The following RCC1L variants were observed in gnomAD, a reference collection of about 807,000 sequenced individuals.
RCC1L encodes the protein RCC1 like.
RCC1L carries 46 observed loss-of-function variants against 58.6 expected under a neutral mutation model. That is an observed-to-expected ratio of 0.79 (90% CI 0.62 to 1.00). The LOEUF (loss-of-function observed/expected upper bound fraction) is 1.00. Ranked by LOEUF, RCC1L falls within the 50% of genes least tolerant of loss-of-function variation. The probability of loss-of-function intolerance (pLI) is 0.00; values close to 1 mark genes in which losing one functional copy is unlikely to be tolerated. For missense variants in RCC1L, 636 were observed against 623.6 expected, an observed-to-expected ratio of 1.02 and a Z score of -0.21; for synonymous variants, 281 against 262.9, an observed-to-expected ratio of 1.07 and a Z score of -0.67.
At chr7:75,055,827 G>C (rs782177480) in intron 9 of RCC1L, 74 bp downstream of exon 9, 3 of 1,568,548 alleles carry the variant, frequency 1.9e-6, no homozygotes, top group Non-Finnish European at 2.6e-6. Context: ...AGAGCTGCCC[G>C]CAGTTTGGGG....
At chr7:75,036,664 T>A (rs1805436345) in intron 10 of RCC1L, among the ~76,000 whole-genome samples, 1 of 151,864 alleles carries the variant, frequency 6.6e-6, no homozygotes, top group African/African-American at 2.4e-5. Flanking sequence ...GAGGCCGAGG[T>A]GGGCGGATTA....
At chr7:75,070,427 C>T (rs1806679120) in intron 2 of RCC1L, among the ~76,000 whole-genome samples, 1 of 151,998 alleles carries the variant, frequency 6.6e-6, no homozygotes, top group Non-Finnish European at 1.5e-5. Flanking sequence ...AAAAATTAGG[C>T]AGGCATGGTG....
At chr7:75,027,910 C>T in exon 11 of RCC1L, 1 of 1,108,738 alleles carries the variant, frequency 9.0e-7, no homozygotes, top group Non-Finnish European at 1.3e-6. Flanking sequence ...TCCTGGTCTG[C>T]TGGGTGGGAG....
intron 1 of RCC1L, among the ~76,000 whole-genome samples, chr7:75,072,149 C>CATATATATATAT (rs1373236031): frequency 3.6e-4 from 13 of 35,894 alleles, no homozygotes; most frequent in Non-Finnish European, 6.0e-4. Flanking sequence ...TATACATATA[C>CATATATATATAT]ATATACATAT....
chr7:75,046,514 G>A (rs1805726091), intron 10 of RCC1L, among the ~76,000 whole-genome samples: 1 of 152,230 alleles, frequency 6.6e-6, no homozygotes, highest in East Asian at 1.9e-4. Flanking sequence ...GGCAGCAAGG[G>A]CCCGGCTCCT....
chr7:75,054,443 A>G (rs1003853540), intron 9 of RCC1L, among the ~76,000 whole-genome samples: 6 of 152,338 alleles, frequency 3.9e-5, no homozygotes, highest in East Asian at 3.9e-4. Context: ...AAATGGCTAC[A>G]TGGCATGAGG....
At chr7:75,064,852 T>C in intron 3 of RCC1L, 1 of 625,298 alleles carries the variant, frequency 1.6e-6, no homozygotes, top group East Asian at 2.9e-5. Context: ...CTTCCCCTCC[T>C]GGCCCTAGAT....
intron 10 of RCC1L, among the ~76,000 whole-genome samples, chr7:75,046,365 A>G (rs1287759858): frequency 6.6e-6 from 1 of 152,208 alleles, no homozygotes; most frequent in Non-Finnish European, 1.5e-5. Flanking sequence ...GCCATTAGGG[A>G]GCACTTTATT....
In RCC1L at chr7:75,042,825, C is replaced by T. The variant is rs907908168; in HGVS notation, c.*207G>A. ...AAAGGCTGCCATCCAAGCTGAGTTC[C>T]GCAGGCCTCACCTGCAGCTGGAGAG... On this transcript the variant is annotated 3_prime_UTR_variant, in exon 11 of 11. Coordinates refer to ENST00000610322, the MANE Select transcript of RCC1L (RefSeq NM_030798.5). 1.2e-4 allele frequency: 169 copies of T among 1,443,648 alleles called. No individual in the cohort carries two copies. The highest frequency in any genetic ancestry group is 4.0e-4 in the Admixed American group (14 of 35,302). The allele number at this position is 1,443,648 out of a possible 1,614,324, so 89.4% of individuals were successfully genotyped here.
intron 9 of RCC1L, among the ~76,000 whole-genome samples, chr7:75,054,386 A>T (rs1039642473): frequency 6.6e-6 from 1 of 152,202 alleles, no homozygotes; most frequent in Non-Finnish European, 1.5e-5. Flanking sequence ...AGGCCTGTTA[A>T]GTCTCGGGGA....
intron 4 of RCC1L, among the ~76,000 whole-genome samples, chr7:75,064,315 C>T (rs1179744542): frequency 1.5e-5 from 2 of 133,172 alleles, no homozygotes; most frequent in East Asian, 4.5e-4. Flanking sequence ...GGCGACAGAG[C>T]AAGAGTCCAT....
At chr7:75,065,848 T>A (rs587594938) in intron 3 of RCC1L, among the ~76,000 whole-genome samples, 22 of 151,640 alleles carry the variant, frequency 1.5e-4, no homozygotes, top group South Asian at 4.2e-4. Context: ...TGAAACCCCG[T>A]CTCTACAAAA....
downstream of RCC1L, among the ~76,000 whole-genome samples, chr7:75,039,323 G>C (rs1362294629): frequency 6.6e-5 from 10 of 152,250 alleles, no homozygotes; most frequent in African/African-American, 2.4e-4. Flanking sequence ...GGCCGTGCCC[G>C]AGCCTTCTCT....
In RCC1L at chr7:75,042,327, G is replaced by T; in HGVS notation, c.*705C>A. 4 of 985,540 alleles carry T rather than the reference G, an allele frequency of 4.1e-6. No individual in the cohort carries two copies. Among genetic ancestry groups the T allele is most frequent in the Non-Finnish European group, 4.8e-6 (4 of 829,974 alleles). 61.0% of individuals were successfully genotyped at this position (985,540 alleles called of 1,614,324 possible). On this transcript the variant is annotated 3_prime_UTR_variant, in exon 11 of 11. Coordinates refer to ENST00000610322, the MANE Select transcript of RCC1L (RefSeq NM_030798.5). Reference sequence around the variant, plus strand: ...CTCCTCCGCCTGGCACTGCAGCTGAGCCTTGGCGGATATGCTCGGGGCCCT... The same window carrying T: ...CTCCTCCGCCTGGCACTGCAGCTGATCCTTGGCGGATATGCTCGGGGCCCT...
chr7:75,030,882 G>C (rs1215771873), intron 10 of RCC1L, among the ~76,000 whole-genome samples: 5 of 152,176 alleles, frequency 3.3e-5, no homozygotes, highest in African/African-American at 1.2e-4. Flanking sequence ...GTTTGTGGGG[G>C]CCGGCACTCC....
chr7:75,034,840 A>C (rs1805401971), intron 10 of RCC1L, among the ~76,000 whole-genome samples: 1 of 151,518 alleles, frequency 6.6e-6, no homozygotes, highest in Non-Finnish European at 1.5e-5. Flanking sequence ...TTTTGTAGAG[A>C]TAGGGGTCTT....
intron 4 of RCC1L, 26 bp downstream of exon 4, chr7:75,064,556 G>C: frequency 1.2e-6 from 2 of 1,613,074 alleles, no homozygotes; most frequent in Non-Finnish European, 1.7e-6. Flanking sequence ...TCAACATGGG[G>C]AAGGGTAGGC....
intron 10 of RCC1L, among the ~76,000 whole-genome samples, chr7:75,029,250 G>A (rs1805229602): frequency 6.6e-6 from 1 of 152,202 alleles, no homozygotes; most frequent in East Asian, 1.9e-4. Flanking sequence ...GCCACCCTGG[G>A]CCCCTTTCTG....
intron 10 of RCC1L, among the ~76,000 whole-genome samples, chr7:75,052,400 G>A (rs1805940668): frequency 6.6e-6 from 1 of 152,172 alleles, no homozygotes; most frequent in South Asian, 2.1e-4. Flanking sequence ...CTGGATGCTT[G>A]AGTGGGCTAC....
Sources: gnomAD v4.1 joint callset for allele counts (sites outside exome capture counted in the v4.1 genomes callset) on GRCh38, gnomAD v4.1.1 for gene constraint, MANE v1.5 for transcripts, NCBI Gene and HGNC (gene_info 2026-07-23, HGNC 2026-07-21) for gene names.